EVC2: variants seen among roughly 807,000 people sequenced by gnomAD.
The protein encoded by EVC2 is limbin.
EVC2 carries 148 observed loss-of-function variants against 149.3 expected under a neutral mutation model. The observed-to-expected ratio is 0.99, with a 90% CI of 0.87 to 1.14. EVC2 has a LOEUF of 1.14. Among genes scored for constraint, EVC2 ranks in the 50% most tolerant of loss-of-function variants. The probability of loss-of-function intolerance (pLI) is 0.00; values close to 1 mark genes in which losing one functional copy is unlikely to be tolerated. For missense variants in EVC2, 1,854 were observed against 1,627.3 expected (o/e 1.14, Z -2.40); for synonymous variants, 776 against 649.9 (o/e 1.19, Z -2.95).
intron 1 of EVC2, among the ~76,000 whole-genome samples, chr4:5,702,114 C>T (rs1015741058): frequency 2.6e-5 from 4 of 152,130 alleles, no homozygotes; most frequent in East Asian, 1.9e-4. Context: ...CCATCTTACT[C>T]GGAACAACTG....
In EVC2 at chr4:5,665,630, A is replaced by G. The variant is rs762245730; in HGVS notation, c.890T>C (p.Leu297Pro). The G allele has an allele frequency of 6.2e-7, 1 of 1,614,222 alleles. No homozygotes were observed. The highest frequency in any genetic ancestry group is 2.2e-5 in the East Asian group (1 of 44,882). The change falls in exon 8 of 22, where the codon CTC (leucine) becomes CCC (proline). Residue 297 changes from leucine (L) to proline (P), a missense_variant. Physicochemically the swap from Leu to Pro is moderately conservative, Grantham distance 98. Coordinates refer to ENST00000344408, the MANE Select transcript of EVC2 (RefSeq NM_147127.5). ...ENVTVLPHHGLHAAGFFIAFL... is the reference protein window; with the variant it reads ...ENVTVLPHHGPHAAGFFIAFL... ...GGCAATGAAGAACCCTGCTGCGTGGAGGCCGTGGTGCGGCAGAACCTGTGG... is the reference window on the plus strand; with the variant it reads ...GGCAATGAAGAACCCTGCTGCGTGGGGGCCGTGGTGCGGCAGAACCTGTGG...
Position 5,574,732 on chromosome 4 carries a change from A to G in EVC2, c.3313T>C (p.Leu1105=). The stretch of plus-strand genomic sequence containing the variant: ...GTGTCTGCCTCCATGTTTTCCAACA[A>G]GTCTTCTAGCACGACACTGTTCTGT... ...EQQNSVVLED[L]LENMEADTFA... Residue 1105 remains leucine, a synonymous_variant, in exon 19 of 22, where the codon TTG becomes CTG. Transcript: ENST00000344408. 6.2e-7 allele frequency: 1 copy of G among 1,614,218 alleles called. No individual in the cohort carries two copies. The highest frequency in any genetic ancestry group is 8.5e-7 in the Non-Finnish European group (1 of 1,180,022).
At chr4:5,541,341 A>G (rs935720596), downstream of EVC2, among the ~76,000 whole-genome samples, 1 of 152,162 alleles carries the variant, frequency 6.6e-6, no homozygotes, top group African/African-American at 2.4e-5. Flanking sequence ...ATAAACACCC[A>G]TCAGATCAAT....
intron 21 of EVC2, 152 bp from the exon 22 acceptor site, chr4:5,563,267 T>C (rs972776814): frequency 1.3e-6 from 1 of 766,568 alleles, no homozygotes; most frequent in Admixed American, 2.4e-5. Flanking sequence ...GGTCACCAGA[T>C]TGCTGTAAAA....
In EVC2 at chr4:5,595,193, A is replaced by G. The variant is rs564673066; in HGVS notation, c.2830-10343T>C. 5.7e-3 allele frequency among the ~76,000 whole-genome samples: 874 copies of G among 152,242 alleles called. 5 individuals carry two copies. Among genetic ancestry groups the G allele is most frequent in the African/African-American group, 0.019 (809 of 41,548 alleles). ...CCCCAATCTAGCAAGGCAGGCCAAC[A>G]TTCAGATTCAGGAAATACAGAGAAT... is the stretch of plus-strand genomic sequence containing the variant. On this transcript the variant is annotated intron_variant, in intron 16 of 21. Coordinates refer to ENST00000344408, the MANE Select transcript of EVC2 (RefSeq NM_147127.5).
chr4:5,631,515 G>A (rs143872391), intron 11 of EVC2, among the ~76,000 whole-genome samples: 2 of 151,164 alleles, frequency 1.3e-5, no homozygotes, highest in African/African-American at 2.4e-5. Flanking sequence ...TATAAGTGAC[G>A]AAACTAAGGC....
At chr4:5,591,284 T>C (rs1047544420) in intron 16 of EVC2, among the ~76,000 whole-genome samples, 5 of 152,228 alleles carry the variant, frequency 3.3e-5, no homozygotes, top group African/African-American at 1.2e-4. Flanking sequence ...CCAGAGGCTA[T>C]GCTTCCTAGC....
chr4:5,634,340 G>A (rs765523914), intron 10 of EVC2, among the ~76,000 whole-genome samples: 2 of 152,172 alleles, frequency 1.3e-5, no homozygotes, highest in African/African-American at 2.4e-5. Context: ...TCTGGGCACC[G>A]CAGGGGCATT....
intron 16 of EVC2, among the ~76,000 whole-genome samples, chr4:5,593,828 G>A (rs1713087231): frequency 6.6e-6 from 1 of 152,166 alleles, no homozygotes; most frequent in African/African-American, 2.4e-5. Context: ...AAAGAAAGGG[G>A]TGACAGATGG....
chr4:5,669,340 G>T (rs1719480674), intron 7 of EVC2, among the ~76,000 whole-genome samples: 1 of 152,166 alleles, frequency 6.6e-6, no homozygotes, highest in Non-Finnish European at 1.5e-5. Flanking sequence ...TATCATCCCT[G>T]TTCTACTGAT....
intron 9 of EVC2, among the ~76,000 whole-genome samples, chr4:5,654,209 G>A (rs987854003): frequency 1.1e-4 from 16 of 151,866 alleles, no homozygotes; most frequent in East Asian, 3.9e-4. Context: ...GTGAGACTCC[G>A]TCTCAAAAAA....
chr4:5,702,108 C>T (rs1660941081), intron 1 of EVC2, among the ~76,000 whole-genome samples: 3 of 152,186 alleles, frequency 2.0e-5, no homozygotes, highest in Admixed American at 2.0e-4. Flanking sequence ...AGCATCCCAT[C>T]TTACTCGGAA....
intron 7 of EVC2, among the ~76,000 whole-genome samples, chr4:5,665,857 G>A (rs1206368030): frequency 6.6e-6 from 1 of 152,190 alleles, no homozygotes; most frequent in Non-Finnish European, 1.5e-5. Context: ...TGACAAGCCT[G>A]TCAAAGACCT....
intron 16 of EVC2, among the ~76,000 whole-genome samples, chr4:5,587,407 C>A (rs1032319098): frequency 6.6e-6 from 1 of 152,196 alleles, no homozygotes. Flanking sequence ...ATAATGTTTT[C>A]AAAGTTCATC....
chr4:5,687,409 G>T (rs1472879490), intron 5 of EVC2, among the ~76,000 whole-genome samples: 1 of 152,162 alleles, frequency 6.6e-6, no homozygotes, highest in Non-Finnish European at 1.5e-5. Flanking sequence ...TTACTAGCAT[G>T]CCCAGAGGAG....
At chr4:5,668,412 C>T (rs1467748702) in intron 7 of EVC2, among the ~76,000 whole-genome samples, 2 of 152,204 alleles carry the variant, frequency 1.3e-5, no homozygotes, top group South Asian at 2.1e-4. Flanking sequence ...AGAACCAATT[C>T]TGTTTTCTTG....
At chr4:5,531,157 C>A in the EVC2 span, among the ~76,000 whole-genome samples, 1 of 152,266 alleles carries the variant, frequency 6.6e-6, no homozygotes, top group South Asian at 2.1e-4. Flanking sequence ...CGGCCTACAT[C>A]AGCTGGCTCT....
chr4:5,620,042 G>A (rs918825518), intron 14 of EVC2, among the ~76,000 whole-genome samples: 7 of 152,158 alleles, frequency 4.6e-5, no homozygotes, highest in East Asian at 1.9e-4. Context: ...AAGGTCTTTC[G>A]TGGAAAGAGA....
At chr4:5,612,095 A>G (rs1714871001) in intron 16 of EVC2, among the ~76,000 whole-genome samples, 1 of 152,268 alleles carries the variant, frequency 6.6e-6, no homozygotes, top group South Asian at 2.1e-4. Flanking sequence ...AAAGGAAACG[A>G]AAACAAGCCA....
Sources: allele counts gnomAD v4.1 joint callset (sites outside exome capture counted in the v4.1 genomes callset), GRCh38; gene constraint gnomAD v4.1.1; transcripts MANE v1.5; gene names NCBI Gene and HGNC (gene_info 2026-07-23, HGNC 2026-07-21).